Variants in ARFGEF3 observed in about 807,000 individuals in gnomAD.
The protein encoded by ARFGEF3 is ARFGEF family member 3, also known as brefeldin A-inhibited guanine nucleotide-exchange protein 3.
ARFGEF3 carries 96 observed loss-of-function variants against 221.7 expected under a neutral mutation model. The observed-to-expected ratio is 0.43, with a 90% confidence interval of 0.37 to 0.51. The LOEUF is 0.51. ARFGEF3 is among the 20% of genes least tolerant of loss of function. The pLI is 0.00. For missense variants in ARFGEF3, 2,410 were observed against 2,789.9 expected (o/e 0.86, Z 3.07); for synonymous variants, 1,145 against 1,126.8 (o/e 1.02, Z -0.32).
intron 2 of ARFGEF3, among the ~76,000 whole-genome samples, chr6:138,195,060 T>G (rs1777386527): frequency 7.3e-6 from 1 of 137,224 alleles, no homozygotes; most frequent in African/African-American, 2.8e-5. Flanking sequence ...TGGAGTGCAG[T>G]GGCGTGATCT....
At position 138,307,370 on chromosome 6, in the gene ARFGEF3, G is replaced by T; in HGVS notation, c.3946G>T (p.Glu1316Ter). The change falls in exon 23 of 34, where the codon GAG (glutamate) becomes TAG (stop). Residue 1316 changes from glutamate (E) to a stop codon, truncating the protein, a stop_gained. Transcript: ENST00000251691. LOFTEE classifies it high-confidence loss of function. The part of the protein sequence containing the change: ...VHGGNKSEMK[E>*]YLVGDYSMGK... ...TGGCGGGAACAAGTCAGAGATGAAG[G>T]AGTACCTGGTTGGTGACTACTCCAT... The T allele has an allele frequency of 6.2e-7, 1 of 1,613,840 alleles. No individual in the cohort carries two copies. The highest frequency in any genetic ancestry group is 8.5e-7 in the Non-Finnish European group (1 of 1,179,800).
At position 138,263,277 on chromosome 6, in the gene ARFGEF3, T is replaced by A; in HGVS notation, c.1794T>A (p.Val598=). The change falls in exon 12 of 34, where the codon GTT becomes GTA. Residue 598 remains valine (V), a synonymous_variant. Transcript: ENST00000251691. ...GSRYSESNFS[V]DDQDLSRTEF... ...GGTATAGTGAGAGCAATTTTAGCGT[T>A]GATGACCAAGACCTTTCTAGGACAG... 1.2e-6 allele frequency: 2 copies of A among 1,613,994 alleles called. 1 individual carries two copies. The highest frequency in any genetic ancestry group is 4.5e-5 in the East Asian group (2 of 44,884).
chr6:138,327,148 G>A (rs184131200), intron 31 of ARFGEF3, among the ~76,000 whole-genome samples: 2 of 152,310 alleles, frequency 1.3e-5, no homozygotes, highest in East Asian at 3.9e-4. Flanking sequence ...AACAGCTAAT[G>A]CATGCTAGGC....
chr6:138,300,455 A>T (rs1171870040), intron 22 of ARFGEF3, among the ~76,000 whole-genome samples: 1 of 148,650 alleles, frequency 6.7e-6, no homozygotes, highest in Non-Finnish European at 1.5e-5. Flanking sequence ...AAAGTTGGAT[A>T]AAAAAAATTT....
In ARFGEF3 at chr6:138,255,786, G is replaced by A; in HGVS notation, c.1104+17G>A. 1 of 1,501,368 alleles carries A rather than the reference G, an allele frequency of 6.7e-7. No individual in the cohort carries two copies. 93.0% of individuals were successfully genotyped at this position (1,501,368 alleles called of 1,614,324 possible). ...ATGAAAGAGGTGAGGAGGCACTGGA[G>A]ATCGCCACCAGGTTTACAAGGGGGC... is the stretch of plus-strand genomic sequence containing the variant. On this transcript the variant is annotated intron_variant, in intron 10 of 33. Coordinates refer to ENST00000251691, the MANE Select transcript of ARFGEF3 (RefSeq NM_020340.5).
At position 138,272,613 on chromosome 6, in the gene ARFGEF3, T is replaced by C. The variant is rs532443778; in HGVS notation, c.2129-5838T>C. 5.2e-5 allele frequency among the ~76,000 whole-genome samples: 8 copies of C among 152,382 alleles called. No homozygotes were observed. In the East Asian group the frequency reaches 1.3e-3, roughly 26 times the overall value. ...CAGATTATTTTCTTCTTTGTGCCTT[T>C]TCCAAATCTCTAAAAGAATTTCTTG... On this transcript the variant is annotated intron_variant, in intron 12 of 33. Transcript: ENST00000251691.
In ARFGEF3 at chr6:138,239,413, C is replaced by T. The variant is rs559955312; in HGVS notation, c.543+782C>T. 2.4e-3 allele frequency among the ~76,000 whole-genome samples: 363 copies of T among 151,990 alleles called. 2 individuals carry two copies. The highest frequency in any genetic ancestry group is 8.4e-3 in the African/African-American group (348 of 41,466). On this transcript the variant is annotated intron_variant, in intron 6 of 33. Transcript: ENST00000251691. ...CTGTAATCTCAGCACTTTGGGAGGC[C>T]GAGGCAGGTGGATCACCTGAGGTTA...
intron 29 of ARFGEF3, among the ~76,000 whole-genome samples, 191 bp from the exon 30 acceptor site, chr6:138,323,480 G>A (rs547004247): frequency 9.9e-5 from 15 of 152,190 alleles, no homozygotes; most frequent in African/African-American, 3.1e-4. Context: ...GCATGGAGGC[G>A]CATGCCTGTA....
intron 20 of ARFGEF3, among the ~76,000 whole-genome samples, chr6:138,294,444 A>G (rs995006781): frequency 3.3e-5 from 5 of 152,216 alleles, no homozygotes; most frequent in African/African-American, 1.2e-4. Flanking sequence ...CTTCCTTCAC[A>G]TGAGGGTGGA....
Position 138,170,656 on chromosome 6 carries a change from T to C in ARFGEF3, c.86-6T>C. On this transcript the variant is annotated splice_region_variant and splice_polypyrimidine_tract_variant and intron_variant, in intron 1 of 33. Transcript: ENST00000251691. ...TTATTTTAACTTTGTAATTTTTCTTTTGCAGAAACTCTAGGTGGTCTGGAT... is the reference window on the plus strand; with the variant it reads ...TTATTTTAACTTTGTAATTTTTCTTCTGCAGAAACTCTAGGTGGTCTGGAT... The C allele has an allele frequency of 6.5e-7, 1 of 1,527,814 alleles. No homozygotes were observed. Among genetic ancestry groups the C allele is most frequent in the South Asian group, 1.1e-5 (1 of 88,776 alleles). The allele number at this position is 1,527,814 out of a possible 1,614,324, so 94.6% of individuals were successfully genotyped here. A position where few individuals can be genotyped will look rare whatever the true frequency, so the allele number is the denominator to read the frequency against.
chr6:138,187,532 T>C (rs1233435869), intron 2 of ARFGEF3, among the ~76,000 whole-genome samples: 1 of 152,116 alleles, frequency 6.6e-6, no homozygotes, highest in Admixed American at 6.5e-5. Flanking sequence ...CAAGGGACAA[T>C]TGGGTAGCGC....
intron 12 of ARFGEF3, among the ~76,000 whole-genome samples, chr6:138,277,337 A>G (rs1198142667): frequency 1.3e-5 from 2 of 152,214 alleles, no homozygotes; most frequent in African/African-American, 4.8e-5. Flanking sequence ...CCCATTTTAT[A>G]TACATACCAC....
intron 2 of ARFGEF3, among the ~76,000 whole-genome samples, chr6:138,200,537 T>G (rs1190911746): frequency 1.3e-5 from 2 of 152,218 alleles, no homozygotes; most frequent in African/African-American, 4.8e-5. Flanking sequence ...TGCAGCCAAC[T>G]GATCTTCAAC....
chr6:138,307,523 G>A, intron 23 of ARFGEF3, 126 bp downstream of exon 23: 3 of 895,780 alleles, frequency 3.3e-6, no homozygotes, highest in East Asian at 5.2e-5. Context: ...CAGCAGGAAA[G>A]AATGTGGTGT....
chr6:138,323,842 G>A lies in ARFGEF3; in HGVS notation c.4869+69G>A. The A allele has an allele frequency of 1.9e-6, 3 of 1,565,962 alleles. No homozygotes were observed. In the South Asian group the frequency reaches 3.3e-5, roughly 17 times the overall value. On this transcript the variant is annotated intron_variant, in intron 30 of 33. Coordinates refer to ENST00000251691, the MANE Select transcript of ARFGEF3 (RefSeq NM_020340.5). ...TCTTTAGCTCCTGATCCCTTACCAT[G>A]TTGGGCACATGGGTTCTGCCTCCTC...
chr6:138,263,417 G>A lies in ARFGEF3; in HGVS notation c.1934G>A (p.Arg645Gln), dbSNP rs200078709. Residue 645 changes from arginine (R) to glutamine (Q), a missense_variant, in exon 12 of 34, where the codon CGG becomes CAG. This residue lies in a region of ARFGEF3 where 594 missense variants were observed against 734.3 expected (regional missense o/e 0.81). Coordinates refer to ENST00000251691, the MANE Select transcript of ARFGEF3 (RefSeq NM_020340.5). ...CTAGCCGATGAAGAGCAGACACCCC[G>A]GGACTGCCTAGGCCACCGGTCCCTG... ...CSLADEEQTP[R>Q]DCLGHRSLRT... The A allele has an allele frequency of 8.1e-6, 13 of 1,613,840 alleles. No individual in the cohort carries two copies. Among genetic ancestry groups the A allele is most frequent in the East Asian group, 4.5e-5 (2 of 44,890 alleles).
At chr6:138,233,479 C>T (rs978975813) in intron 5 of ARFGEF3, among the ~76,000 whole-genome samples, 8 of 152,086 alleles carry the variant, frequency 5.3e-5, no homozygotes, top group Non-Finnish European at 1.2e-4. Flanking sequence ...TGGGTTCAAG[C>T]GATTCTCCTG....
At chr6:138,313,622 A>T (rs1779868730) in intron 25 of ARFGEF3, among the ~76,000 whole-genome samples, 173 bp from the exon 26 acceptor site, 1 of 152,136 alleles carries the variant, frequency 6.6e-6, no homozygotes. Flanking sequence ...GCTTCATGGG[A>T]TAGATGCCTC....
In ARFGEF3 at chr6:138,276,890, T is replaced by C. The variant is rs9494988; in HGVS notation, c.2129-1561T>C. On this transcript the variant is annotated intron_variant, in intron 12 of 33. Transcript: ENST00000251691. ...CCTCTTGGGCAGGATGGTCTGGAAC[T>C]CTTAGACTCAAGTGATCTGCCTGCC... 5.1e-3 allele frequency among the ~76,000 whole-genome samples: 777 copies of C among 152,328 alleles called. 6 individuals carry two copies. Among genetic ancestry groups the C allele is most frequent in the African/African-American group, 0.017 (717 of 41,588 alleles).
Sources: gnomAD v4.1 joint callset for allele counts (sites outside exome capture counted in the v4.1 genomes callset) on GRCh38, gnomAD v4.1.1 for gene constraint, gnomAD v4.1.1 regional missense constraint, MANE v1.5 for transcripts, NCBI Gene and HGNC (gene_info 2026-07-23, HGNC 2026-07-21) for gene names.